Variants in NRXN3 observed in about 807,000 individuals in gnomAD.
NRXN3 encodes the protein neurexin 3, also known as neurexin III.
A neutral mutation model predicts 137.6 loss-of-function variants in NRXN3; 32 were observed. The ratio of observed to expected loss-of-function variants is 0.23; its 90% CI spans 0.18 to 0.31. NRXN3 has a LOEUF of 0.31. Ranked by LOEUF, NRXN3 falls within the 10% of genes least tolerant of loss-of-function variation. NRXN3 has a pLI of 1.00. For synonymous variants in NRXN3, 798 were observed against 784.5 expected, an observed-to-expected ratio of 1.02 and a Z score of -0.29; for missense variants, 1,574 against 2,062.5, an observed-to-expected ratio of 0.76 and a Z score of 4.59.
chr14:79,715,180 C>A (rs1340156397), intron 19 of NRXN3, among the ~76,000 whole-genome samples: 4 of 152,148 alleles, frequency 2.6e-5, no homozygotes, highest in Non-Finnish European at 5.9e-5. Flanking sequence ...GTCTCGATCT[C>A]CTGACCTCGT....
chr14:79,040,621 A>T (rs1254201295), intron 15 of NRXN3, among the ~76,000 whole-genome samples: 1 of 152,172 alleles, frequency 6.6e-6, no homozygotes, highest in African/African-American at 2.4e-5. Context: ...ATGGACAGAA[A>T]GGGTGAGGTT....
At position 79,244,924 on chromosome 14, in the gene NRXN3, A is replaced by T. The variant is rs151314778; in HGVS notation, c.3263-222297A>T. Among the ~76,000 whole-genome samples the T allele has an allele frequency of 5.2e-3, 797 of 152,220 alleles. 8 individuals carry two copies. Among genetic ancestry groups the T allele is most frequent in the Non-Finnish European group, 9.1e-3 (620 of 67,996 alleles). Reference sequence around the variant, plus strand: ...CTGTTCAGTGTTTCGCTCTATTTTCACTAAAGGATTAGAGGTTTCAACTGT... The same window carrying T: ...CTGTTCAGTGTTTCGCTCTATTTTCTCTAAAGGATTAGAGGTTTCAACTGT... On this transcript the variant is annotated intron_variant, in intron 15 of 20. Coordinates refer to ENST00000335750, the MANE Select transcript of NRXN3 (RefSeq NM_001330195.2).
chr14:79,708,721 G>A (rs2098791174), intron 19 of NRXN3, among the ~76,000 whole-genome samples: 1 of 152,100 alleles, frequency 6.6e-6, no homozygotes, highest in South Asian at 2.1e-4. Flanking sequence ...CTTGCCTTTT[G>A]AAACCTTCTA....
At chr14:78,190,068 G>C (rs376317601) in intron 1 of NRXN3, among the ~76,000 whole-genome samples, 100 of 152,298 alleles carry the variant, frequency 6.6e-4, no homozygotes, top group African/African-American at 2.3e-3. Flanking sequence ...GCTTTAACTG[G>C]TTCACAAACA....
intron 15 of NRXN3, among the ~76,000 whole-genome samples, chr14:79,284,363 T>C (rs1598295800): frequency 8.5e-6 from 1 of 117,902 alleles, no homozygotes; most frequent in African/African-American, 3.9e-5. Context: ...TATATATATA[T>C]ATATATATAT....
At chr14:78,273,686 A>C (rs2073138110) in intron 2 of NRXN3, among the ~76,000 whole-genome samples, 2 of 152,200 alleles carry the variant, frequency 1.3e-5, no homozygotes, top group Admixed American at 1.3e-4. Flanking sequence ...GTGTATACAT[A>C]TGTGTGTATC....
chr14:79,826,680 C>A (rs1374769771), intron 20 of NRXN3, among the ~76,000 whole-genome samples: 1 of 152,168 alleles, frequency 6.6e-6, no homozygotes, highest in African/African-American at 2.4e-5. Flanking sequence ...ATTGCACCAG[C>A]GTCTGCATAA....
chr14:79,193,020 C>T (rs1045061077), intron 15 of NRXN3, among the ~76,000 whole-genome samples: 5 of 151,948 alleles, frequency 3.3e-5, no homozygotes, highest in African/African-American at 9.7e-5. Flanking sequence ...CTGCCTGCCT[C>T]GGCCTCCCAA....
intron 8 of NRXN3, among the ~76,000 whole-genome samples, chr14:78,780,467 T>G (rs2098765074): frequency 6.6e-6 from 1 of 152,166 alleles, no homozygotes; most frequent in South Asian, 2.1e-4. Context: ...ATTACAATTA[T>G]TTTTAAAACT....
chr14:79,704,276 G>C (rs1033279906), intron 19 of NRXN3, among the ~76,000 whole-genome samples: 1 of 152,096 alleles, frequency 6.6e-6, no homozygotes, highest in African/African-American at 2.4e-5. Context: ...GGCACTTCGA[G>C]GCCCAGACTA....
chr14:78,654,884 G>C (rs904167150), intron 6 of NRXN3, among the ~76,000 whole-genome samples: 2 of 152,096 alleles, frequency 1.3e-5, no homozygotes, highest in Non-Finnish European at 2.9e-5. Flanking sequence ...AGGTACTATT[G>C]ACCACTTGAC....
intron 15 of NRXN3, among the ~76,000 whole-genome samples, chr14:79,109,199 T>A (rs2053025361): frequency 6.6e-6 from 1 of 152,190 alleles, no homozygotes. Flanking sequence ...CTTCAGCTAA[T>A]CCTCATAAAT....
intron 15 of NRXN3, among the ~76,000 whole-genome samples, chr14:79,045,908 T>C (rs2099632423): frequency 6.6e-6 from 1 of 152,182 alleles, no homozygotes; most frequent in East Asian, 1.9e-4. Flanking sequence ...CAAGTGATGC[T>C]GATGCAAAAC....
intron 15 of NRXN3, among the ~76,000 whole-genome samples, chr14:79,385,214 C>T (rs187424215): frequency 8.0e-6 from 1 of 124,450 alleles, no homozygotes; most frequent in African/African-American, 2.8e-5. Context: ...TCCCCCCGCC[C>T]CCACCCCACC....
At chr14:79,739,853 T>C (rs2098954916) in intron 19 of NRXN3, among the ~76,000 whole-genome samples, 1 of 152,056 alleles carries the variant, frequency 6.6e-6, no homozygotes. Context: ...TTTCAAAGAA[T>C]ACCATCTTTA....
intron 8 of NRXN3, among the ~76,000 whole-genome samples, chr14:78,724,220 G>T (rs143639193): frequency 6.6e-6 from 1 of 152,124 alleles, no homozygotes; most frequent in Non-Finnish European, 1.5e-5. Flanking sequence ...TGAGTATTAC[G>T]TATGTGTCTG....
chr14:78,222,774 A>G (rs916161887), intron 1 of NRXN3, among the ~76,000 whole-genome samples: 8 of 152,204 alleles, frequency 5.3e-5, no homozygotes, highest in African/African-American at 9.6e-5. Context: ...CTCTTTGCAG[A>G]GCCTCTCACT....
At chr14:78,798,638 C>T (rs1478997146) in intron 8 of NRXN3, among the ~76,000 whole-genome samples, 1 of 152,226 alleles carries the variant, frequency 6.6e-6, no homozygotes, top group Non-Finnish European at 1.5e-5. Context: ...TCACACCCCA[C>T]ATTTCCCTTC....
Position 78,477,883 on chromosome 14 carries a change from GTCTC to G in NRXN3, c.758-167231_758-167228del, listed in dbSNP as rs72004481. Among the ~76,000 whole-genome samples the G allele has an allele frequency of 7.2e-5, 11 of 151,960 alleles. 1 individual carries two copies. Among genetic ancestry groups the G allele is most frequent in the East Asian group, 1.9e-4 (1 of 5,196 alleles). On this transcript the variant is annotated intron_variant, in intron 4 of 20. Coordinates refer to ENST00000335750, the MANE Select transcript of NRXN3 (RefSeq NM_001330195.2). ...CATTAGGGTAGGGAAACAGGCTTATGTCTCTCTCTGTCTCACACACACACACGCA... is the reference window on the plus strand; with the variant it reads ...CATTAGGGTAGGGAAACAGGCTTATGTCTCTGTCTCACACACACACACGCA...
Sources: allele counts gnomAD v4.1 joint callset (sites outside exome capture counted in the v4.1 genomes callset), GRCh38; gene constraint gnomAD v4.1.1; transcripts MANE v1.5; gene names NCBI Gene and HGNC (gene_info 2026-07-23, HGNC 2026-07-21).